Variants in CPNE5 observed in about 807,000 individuals in gnomAD.
CPNE5 encodes the protein copine-5.
CPNE5 carries 42 observed loss-of-function variants against 81.1 expected under a neutral mutation model. The observed-to-expected ratio is 0.52, with a 90% CI of 0.40 to 0.67. CPNE5 has a LOEUF of 0.67. Ranked by LOEUF, CPNE5 falls within the 30% of genes least tolerant of loss-of-function variation. CPNE5 has a pLI of 0.00. For missense variants in CPNE5, 612 were observed against 815.5 expected, an observed-to-expected ratio of 0.75 and a Z score of 3.04; for synonymous variants, 313 against 321.5, an observed-to-expected ratio of 0.97 and a Z score of 0.28.
intron 3 of CPNE5, among the ~76,000 whole-genome samples, chr6:36,802,723 C>T (rs945482429): frequency 3.3e-5 from 5 of 152,082 alleles, no homozygotes; most frequent in Admixed American, 2.0e-4. Context: ...GGGGCTTACC[C>T]TGAGTGTCCC....
intron 6 of CPNE5, 111 bp downstream of exon 6, chr6:36,798,054 C>G: frequency 1.3e-6 from 1 of 769,292 alleles, no homozygotes; most frequent in Non-Finnish European, 2.2e-6. Flanking sequence ...CCTAATAACC[C>G]TGCAGATGCC....
At chr6:36,810,618 G>A (rs1771021781) in intron 3 of CPNE5, among the ~76,000 whole-genome samples, 1 of 152,196 alleles carries the variant, frequency 6.6e-6, no homozygotes, top group Non-Finnish European at 1.5e-5. Flanking sequence ...GAGGAGCACG[G>A]AGGATCTGGC....
At chr6:36,751,099 C>T (rs952781651) in intron 14 of CPNE5, among the ~76,000 whole-genome samples, 1 of 152,218 alleles carries the variant, frequency 6.6e-6, no homozygotes, top group Non-Finnish European at 1.5e-5. Context: ...AGCTTCCTGC[C>T]TGGGCATGCA....
intron 18 of CPNE5, 132 bp from the exon 19 acceptor site, chr6:36,744,457 G>T: frequency 1.4e-6 from 1 of 712,220 alleles, no homozygotes; most frequent in Non-Finnish European, 2.5e-6. Flanking sequence ...GAGAGACAGA[G>T]AAACACAGAA....
chr6:36,816,247 G>A (rs1245309253), intron 3 of CPNE5, among the ~76,000 whole-genome samples: 1 of 152,222 alleles, frequency 6.6e-6, no homozygotes, highest in Non-Finnish European at 1.5e-5. Flanking sequence ...GACTGGACAT[G>A]CAGAAGGCCC....
intron 1 of CPNE5, among the ~76,000 whole-genome samples, chr6:36,826,410 C>T (rs751720796): frequency 6.6e-6 from 1 of 152,216 alleles, no homozygotes; most frequent in Non-Finnish European, 1.5e-5. Flanking sequence ...TGAAATTATT[C>T]TTGCCATCCT....
intron 3 of CPNE5, 86 bp downstream of exon 3, chr6:36,822,028 T>C: frequency 2.4e-6 from 3 of 1,271,654 alleles, no homozygotes; most frequent in Admixed American, 2.3e-5. Flanking sequence ...GTTAGAAACA[T>C]GTCAGGGAAA....
In CPNE5 at chr6:36,745,381, C is replaced by T; in HGVS notation, c.1328+7G>A. ...GAGTGCCTGGAGGCGGTGGCAGCGGCACTCACCTGGCCACGTGGGTGACCA... is the reference window on the plus strand; with the variant it reads ...GAGTGCCTGGAGGCGGTGGCAGCGGTACTCACCTGGCCACGTGGGTGACCA... On this transcript the variant is annotated splice_region_variant and intron_variant, in intron 17 of 20. Coordinates refer to ENST00000244751, the MANE Select transcript of CPNE5 (RefSeq NM_020939.2). 1 of 1,603,282 alleles carries T rather than the reference C, an allele frequency of 6.2e-7. No individual in the cohort carries two copies. The highest frequency in any genetic ancestry group is 1.1e-5 in the South Asian group (1 of 89,168).
chr6:36,762,227 CA>C (rs57426698), intron 12 of CPNE5, among the ~76,000 whole-genome samples: 34 of 122,936 alleles, frequency 2.8e-4, no homozygotes, highest in Admixed American at 3.4e-4. Flanking sequence ...GGCCCTGTCT[CA>C]AAAAAAAAAA....
intron 3 of CPNE5, among the ~76,000 whole-genome samples, chr6:36,807,585 AC>A (rs1770709396): frequency 6.6e-6 from 1 of 152,126 alleles, no homozygotes; most frequent in Admixed American, 6.5e-5. Context: ...TCCCAGTCCT[AC>A]CACTAACATT....
At position 36,792,812 on chromosome 6, in the gene CPNE5, G is replaced by A. The variant is rs1281060250; in HGVS notation, c.465-716C>T. Among the ~76,000 whole-genome samples the A allele has an allele frequency of 2.0e-5, 3 of 152,120 alleles. 1 individual carries two copies. The highest frequency in any genetic ancestry group is 4.1e-4 in the South Asian group (2 of 4,822). On this transcript the variant is annotated intron_variant, in intron 7 of 20. Coordinates refer to ENST00000244751, the MANE Select transcript of CPNE5 (RefSeq NM_020939.2). ...AACCACCTCTTCCCCTGGTTAGATAGGACCCCCTCCTTCAGGCACCATCCC... is the reference window on the plus strand; with the variant it reads ...AACCACCTCTTCCCCTGGTTAGATAAGACCCCCTCCTTCAGGCACCATCCC...
intron 12 of CPNE5, among the ~76,000 whole-genome samples, chr6:36,758,837 G>A (rs1488924379): frequency 1.3e-5 from 2 of 152,200 alleles, no homozygotes; most frequent in African/African-American, 4.8e-5. Flanking sequence ...CTGAGGGCCT[G>A]GGCGAGATGG....
At chr6:36,786,569 C>T (rs531703886) in intron 8 of CPNE5, among the ~76,000 whole-genome samples, 2 of 152,258 alleles carry the variant, frequency 1.3e-5, no homozygotes, top group African/African-American at 4.8e-5. Flanking sequence ...AATCCATCAA[C>T]TGATGTTCAA....
chr6:36,830,219 G>A (rs1289969455), intron 1 of CPNE5, among the ~76,000 whole-genome samples: 1 of 152,102 alleles, frequency 6.6e-6, no homozygotes, highest in Non-Finnish European at 1.5e-5. Context: ...GGGAGTGCTT[G>A]CACTACCAAA....
At chr6:36,796,886 C>A (rs1286692459) in intron 6 of CPNE5, among the ~76,000 whole-genome samples, 1 of 151,608 alleles carries the variant, frequency 6.6e-6, no homozygotes, top group Non-Finnish European at 1.5e-5. Flanking sequence ...GGAAGAGAGA[C>A]CACACACACA....
Position 36,808,979 on chromosome 6 carries a change from C to T in CPNE5, c.184-8909G>A, listed in dbSNP as rs571589794. On this transcript the variant is annotated intron_variant, in intron 3 of 20. Transcript: ENST00000244751. Reference sequence around the variant, plus strand: ...GATATAGTCACTATTCAGTAAGAGGCTTATGCTGTGAATGGAGGCTGGGAC... The same window carrying T: ...GATATAGTCACTATTCAGTAAGAGGTTTATGCTGTGAATGGAGGCTGGGAC... 2.6e-4 allele frequency among the ~76,000 whole-genome samples: 40 copies of T among 152,274 alleles called. 1 individual carries two copies. The highest frequency in any genetic ancestry group is 9.1e-4 in the African/African-American group (38 of 41,552).
intron 7 of CPNE5, 39 bp from the exon 8 acceptor site, chr6:36,792,135 AAGAC>A (rs1169660191): frequency 1.3e-6 from 2 of 1,591,256 alleles, no homozygotes; most frequent in Non-Finnish European, 1.7e-6. Context: ...AAGCCAGACA[AAGAC>A]AGAGCCATAA....
chr6:36,799,412 T>A (rs1382494468), intron 4 of CPNE5, among the ~76,000 whole-genome samples: 1 of 152,036 alleles, frequency 6.6e-6, no homozygotes, highest in Non-Finnish European at 1.5e-5. Flanking sequence ...AACCATCCCA[T>A]ACCCCATAAA....
At chr6:36,802,994 G>A (rs1051390325) in intron 3 of CPNE5, among the ~76,000 whole-genome samples, 5 of 152,098 alleles carry the variant, frequency 3.3e-5, no homozygotes, top group African/African-American at 9.7e-5. Context: ...GGTGGAGGTC[G>A]CAGTGAACTA....
Sources: allele counts gnomAD v4.1 joint callset (sites outside exome capture counted in the v4.1 genomes callset), GRCh38; gene constraint gnomAD v4.1.1; transcripts MANE v1.5; gene names NCBI Gene and HGNC (gene_info 2026-07-23, HGNC 2026-07-21).